Variants in ABCD2 observed in about 807,000 individuals in gnomAD.
ABCD2 encodes the protein ATP-binding cassette sub-family D member 2.
ABCD2 carries 36 observed loss-of-function variants against 70.9 expected under a neutral mutation model. That is an observed-to-expected ratio of 0.51 (90% CI 0.39 to 0.67). ABCD2 has a LOEUF of 0.67. Among genes scored for constraint, ABCD2 ranks in the 30% least tolerant of loss-of-function variants. The pLI is 0.00. For synonymous variants in ABCD2, 304 were observed against 306.9 expected, an observed-to-expected ratio of 0.99 and a Z score of 0.10; for missense variants, 729 against 890.2, an observed-to-expected ratio of 0.82 and a Z score of 2.30.
At chr12:39,617,273 A>G (rs1942129179) in intron 1 of ABCD2, 105 bp from the exon 2 acceptor site, 1 of 638,870 alleles carries the variant, frequency 1.6e-6, no homozygotes, top group Non-Finnish European at 2.4e-6. Context: ...CAATAAATGC[A>G]GATTAATACC....
At chr12:39,534,730 A>AAGGAAC in the ABCD2 span, among the ~76,000 whole-genome samples, 1 of 70,152 alleles carries the variant, frequency 1.4e-5, no homozygotes, top group Non-Finnish European at 3.1e-5. Flanking sequence ...AAGGAAGGAA[A>AAGGAAC]AGAAGGAAGG....
intron 9 of ABCD2, among the ~76,000 whole-genome samples, chr12:39,556,388 G>T (rs1941165851): frequency 6.6e-6 from 1 of 152,132 alleles, no homozygotes; most frequent in Admixed American, 6.5e-5. Context: ...GGATCATGGG[G>T]GTGGTTTTCC....
At chr12:39,554,266 T>C (rs1941129058) in intron 9 of ABCD2, 135 bp from the exon 10 acceptor site, 1 of 777,364 alleles carries the variant, frequency 1.3e-6, no homozygotes, top group Non-Finnish European at 2.0e-6. Flanking sequence ...TTTAAGGACA[T>C]ATCAAAAAGT....
chr12:39,568,753 T>C (rs558362303), intron 9 of ABCD2, among the ~76,000 whole-genome samples: 1 of 152,320 alleles, frequency 6.6e-6, no homozygotes, highest in African/African-American at 2.4e-5. Flanking sequence ...CCCATCTTTC[T>C]GGTTTTATCT....
downstream of ABCD2, among the ~76,000 whole-genome samples, chr12:39,546,346 A>G (rs1941025194): frequency 6.6e-6 from 1 of 152,050 alleles, no homozygotes; most frequent in Non-Finnish European, 1.5e-5. Flanking sequence ...TTAGGCACCT[A>G]TTGAATAAAT....
At chr12:39,570,847 A>G (rs1941437337) in intron 9 of ABCD2, among the ~76,000 whole-genome samples, 1 of 152,188 alleles carries the variant, frequency 6.6e-6, no homozygotes, top group African/African-American at 2.4e-5. Context: ...TTTGGAAACT[A>G]TATATCTGAT....
intron 7 of ABCD2, among the ~76,000 whole-genome samples, chr12:39,582,468 G>A (rs1941608948): frequency 6.6e-6 from 1 of 152,140 alleles, no homozygotes; most frequent in Non-Finnish European, 1.5e-5. Flanking sequence ...TTTAAGTTTG[G>A]AAAATTCTTG....
chr12:39,546,115 C>T (rs1405143494), downstream of ABCD2, among the ~76,000 whole-genome samples: 2 of 151,918 alleles, frequency 1.3e-5, no homozygotes, highest in Admixed American at 6.6e-5. Flanking sequence ...TATGAAATTC[C>T]CAAGATGCCT....
intron 9 of ABCD2, among the ~76,000 whole-genome samples, chr12:39,557,469 A>G (rs1941185842): frequency 1.3e-5 from 2 of 152,332 alleles, no homozygotes; most frequent in African/African-American, 2.4e-5. Context: ...TGGCGATGCA[A>G]TGGAAAAGAA....
intron 2 of ABCD2, among the ~76,000 whole-genome samples, chr12:39,613,203 G>A (rs1316536139): frequency 2.1e-5 from 2 of 95,588 alleles, no homozygotes; most frequent in East Asian, 5.4e-4. Flanking sequence ...CGGCTAAAAC[G>A]GTGAAACCCC....
intron 2 of ABCD2, among the ~76,000 whole-genome samples, chr12:39,608,912 A>G (rs1184602382): frequency 3.9e-5 from 6 of 152,050 alleles, no homozygotes; most frequent in Admixed American, 3.9e-4. Flanking sequence ...CACCCCATAC[A>G]TGGCATACTC....
At chr12:39,614,125 T>G (rs943715821) in intron 2 of ABCD2, among the ~76,000 whole-genome samples, 1 of 152,174 alleles carries the variant, frequency 6.6e-6, no homozygotes, top group African/African-American at 2.4e-5. Context: ...TTCTCTCATT[T>G]TGGAAATGTG....
the ABCD2 span, chr12:39,539,922 A>G: frequency 6.6e-6 from 1 of 152,476 alleles, no homozygotes; most frequent in Non-Finnish European, 1.5e-5. Context: ...CCTGCTTTCT[A>G]ATTTTTCCAA....
chr12:39,531,509 TG>T, the ABCD2 span, among the ~76,000 whole-genome samples: 1 of 152,204 alleles, frequency 6.6e-6, no homozygotes, highest in African/African-American at 2.4e-5. Context: ...GAGGAAGTTT[TG>T]AAACAGGTAA....
At chr12:39,602,108 A>C (rs1941906334) in intron 5 of ABCD2, among the ~76,000 whole-genome samples, 1 of 149,222 alleles carries the variant, frequency 6.7e-6, no homozygotes, top group Non-Finnish European at 1.5e-5. Flanking sequence ...TCTGCAAATA[A>C]TTTTTAATTT....
intron 1 of ABCD2, among the ~76,000 whole-genome samples, chr12:39,618,247 A>G (rs1942144164): frequency 6.6e-6 from 1 of 152,172 alleles, no homozygotes; most frequent in African/African-American, 2.4e-5. Context: ...CTTGGACAAC[A>G]AAGGAACAAC....
At chr12:39,543,930 A>T in the ABCD2 span, among the ~76,000 whole-genome samples, 1 of 152,158 alleles carries the variant, frequency 6.6e-6, no homozygotes, top group African/African-American at 2.4e-5. Flanking sequence ...CCACAAAATT[A>T]TACGTCCTTC....
intron 6 of ABCD2, among the ~76,000 whole-genome samples, chr12:39,596,061 T>C (rs1481806715): frequency 6.6e-6 from 1 of 152,202 alleles, no homozygotes; most frequent in Non-Finnish European, 1.5e-5. Context: ...AGAAATGCTT[T>C]CTTTTCTCAG....
chr12:39,598,460 G>T (rs1424452407), intron 6 of ABCD2, among the ~76,000 whole-genome samples: 1 of 152,126 alleles, frequency 6.6e-6, no homozygotes, highest in Non-Finnish European at 1.5e-5. Flanking sequence ...GAGTGCAGTG[G>T]CGCCATCTCA....
Sources: allele counts gnomAD v4.1 joint callset (sites outside exome capture counted in the v4.1 genomes callset), GRCh38; gene constraint gnomAD v4.1.1; transcripts MANE v1.5; gene names NCBI Gene and HGNC (gene_info 2026-07-23, HGNC 2026-07-21).